The following TMTC2 variants were observed in gnomAD, a reference collection of about 807,000 sequenced individuals.
The protein encoded by TMTC2 is protein O-mannosyl-transferase TMTC2.
Under a neutral mutation model 82.4 loss-of-function variants are expected in TMTC2, and 43 were observed. That is an observed-to-expected ratio of 0.52 (90% CI 0.41 to 0.67). The LOEUF (loss-of-function observed/expected upper bound fraction) is 0.67, where lower values mean the gene tolerates loss of function less well. TMTC2 is among the 30% of genes least tolerant of loss of function. The pLI is 0.00. For missense variants in TMTC2, 919 were observed against 1,012.4 expected (o/e 0.91, Z 1.25); for synonymous variants, 408 against 381.9 (o/e 1.07, Z -0.80).
At chr12:83,066,410 G>GGGAA (rs1471445398) in intron 11 of TMTC2, among the ~76,000 whole-genome samples, 1 of 151,838 alleles carries the variant, frequency 6.6e-6, no homozygotes, top group African/African-American at 2.4e-5. Context: ...AAGGGTATAG[G>GGGAA]GGAAGATAGA....
At chr12:83,127,913 A>G (rs559707463) in intron 11 of TMTC2, among the ~76,000 whole-genome samples, 1 of 152,338 alleles carries the variant, frequency 6.6e-6, no homozygotes, top group South Asian at 2.1e-4. Flanking sequence ...GACTTAAAAA[A>G]TATATATCAA....
intron 9 of TMTC2, among the ~76,000 whole-genome samples, chr12:83,045,727 G>GCACACACACACA (rs71068972): frequency 8.4e-5 from 12 of 142,452 alleles, no homozygotes; most frequent in South Asian, 2.3e-4. Flanking sequence ...ACACACACAC[G>GCACACACACACA]CACACACACA....
chr12:82,798,798 ACTCCGTCTC>A, intron 1 of TMTC2, among the ~76,000 whole-genome samples: 1 of 123,102 alleles, frequency 8.1e-6, no homozygotes, highest in African/African-American at 3.3e-5. Flanking sequence ...CAAGAGGGTA[ACTCCGTCTC>A]AAAAAAAAAA....
chr12:83,124,709 T>C (rs190443981), intron 11 of TMTC2, among the ~76,000 whole-genome samples: 1 of 152,212 alleles, frequency 6.6e-6, no homozygotes, highest in Admixed American at 6.5e-5. Context: ...ACAATGTACA[T>C]TGAGAGAATG....
At chr12:83,051,355 C>T (rs989771227) in intron 10 of TMTC2, among the ~76,000 whole-genome samples, 22 of 151,472 alleles carry the variant, frequency 1.5e-4, no homozygotes, top group African/African-American at 4.6e-4. Flanking sequence ...TATGTGTGGC[C>T]CCAAGACAAT....
At chr12:82,993,868 G>A (rs1334543917) in intron 8 of TMTC2, among the ~76,000 whole-genome samples, 1 of 152,124 alleles carries the variant, frequency 6.6e-6, no homozygotes, top group African/African-American at 2.4e-5. Flanking sequence ...GGGAGCAATG[G>A]GCAAGACAGC....
intron 4 of TMTC2, among the ~76,000 whole-genome samples, chr12:82,930,935 A>G (rs886133278): frequency 1.3e-5 from 2 of 152,142 alleles, no homozygotes; most frequent in African/African-American, 4.8e-5. Flanking sequence ...ATGAGACAGT[A>G]TCTCACTCTG....
chr12:82,694,891 C>T (rs1872721213), intron 1 of TMTC2, among the ~76,000 whole-genome samples: 2 of 151,800 alleles, frequency 1.3e-5, no homozygotes, highest in South Asian at 2.1e-4. Context: ...GATTTGAAAC[C>T]GAAAAATTCA....
intron 1 of TMTC2, among the ~76,000 whole-genome samples, chr12:82,756,408 A>T (rs1277629304): frequency 6.6e-6 from 1 of 152,146 alleles, no homozygotes; most frequent in Non-Finnish European, 1.5e-5. Context: ...ACAAAAAGAG[A>T]GGTTAGATGT....
At chr12:82,854,934 A>T (rs1187710536) in intron 1 of TMTC2, among the ~76,000 whole-genome samples, 1 of 152,210 alleles carries the variant, frequency 6.6e-6, no homozygotes, top group Admixed American at 6.5e-5. Context: ...GGGACTTTTC[A>T]TAGATTGTAT....
chr12:82,730,722 G>T (rs1178327206), intron 1 of TMTC2, among the ~76,000 whole-genome samples: 2 of 152,166 alleles, frequency 1.3e-5, no homozygotes, highest in African/African-American at 4.8e-5. Flanking sequence ...GTTTGATGGA[G>T]CCATCTTGAA....
chr12:83,083,355 T>C (rs1442924218), intron 11 of TMTC2, among the ~76,000 whole-genome samples: 1 of 152,330 alleles, frequency 6.6e-6, no homozygotes, highest in Non-Finnish European at 1.5e-5. Flanking sequence ...CAAGAAACAA[T>C]GTGGCTTGCT....
chr12:82,719,667 CTGTCT>C (rs1287613800), intron 1 of TMTC2, among the ~76,000 whole-genome samples: 5 of 65,114 alleles, frequency 7.7e-5, no homozygotes, highest in African/African-American at 2.9e-4. Context: ...CTATGTCTCT[CTGTCT>C]TTTTTTTTTT....
chr12:83,079,233 T>C (rs1424525375), intron 11 of TMTC2, among the ~76,000 whole-genome samples: 1 of 152,020 alleles, frequency 6.6e-6, no homozygotes, highest in Non-Finnish European at 1.5e-5. Context: ...ATGTAAGAGA[T>C]AGTAGATCTT....
Position 83,123,228 on chromosome 12 carries a change from C to G in TMTC2, c.2332-8982C>G, listed in dbSNP as rs1198351878. On this transcript the variant is annotated intron_variant, in intron 11 of 11. Coordinates refer to ENST00000321196, the MANE Select transcript of TMTC2 (RefSeq NM_152588.3). ...ATTGAGCACACAGGATAAAATGTGT[C>G]TCTGACAAATTGAAAGTACTCCCTT... Among the ~76,000 whole-genome samples, 12 of 152,346 alleles carry G rather than the reference C, an allele frequency of 7.9e-5. No individual in the cohort carries two copies. The East Asian group carries it at 1.7e-3, about 22-fold the overall frequency.
chr12:82,922,613 G>A (rs148056913), intron 3 of TMTC2, among the ~76,000 whole-genome samples: 109 of 149,836 alleles, frequency 7.3e-4, no homozygotes, highest in African/African-American at 2.4e-3. Flanking sequence ...TCTTAACTTC[G>A]TTTTCTCTTT....
chr12:82,988,997 T>G (rs1267162388), intron 8 of TMTC2, among the ~76,000 whole-genome samples: 2 of 150,602 alleles, frequency 1.3e-5, no homozygotes, highest in Non-Finnish European at 3.0e-5. Context: ...AACAAATTAT[T>G]AGGAGAAGGA....
intron 1 of TMTC2, among the ~76,000 whole-genome samples, chr12:82,802,923 C>T (rs1879080054): frequency 6.6e-6 from 1 of 152,074 alleles, no homozygotes; most frequent in Admixed American, 6.5e-5. Flanking sequence ...TGTAGTATTC[C>T]TGGTTTGTAG....
intron 11 of TMTC2, among the ~76,000 whole-genome samples, chr12:83,078,529 G>A (rs139185070): frequency 1.8e-4 from 28 of 152,162 alleles, no homozygotes; most frequent in East Asian, 7.7e-4. Context: ...AGTTTTTGTC[G>A]TATAAACAGC....
Sources: gnomAD v4.1 joint callset for allele counts (sites outside exome capture counted in the v4.1 genomes callset) on GRCh38, gnomAD v4.1.1 for gene constraint, MANE v1.5 for transcripts, NCBI Gene and HGNC (gene_info 2026-07-23, HGNC 2026-07-21) for gene names.